GASK1A: variants seen among roughly 807,000 people sequenced by gnomAD.
The protein encoded by GASK1A is golgi associated kinase 1A, also known as Golgi-associated kinase 1A.
GASK1A carries 40 observed loss-of-function variants against 41.2 expected under a neutral mutation model. That is an observed-to-expected ratio of 0.97 (90% CI 0.75 to 1.27). The LOEUF (loss-of-function observed/expected upper bound fraction) is 1.27. Ranked by LOEUF, GASK1A falls within the 50% of genes most tolerant of loss-of-function variation. The pLI is 0.00. For missense variants in GASK1A, 678 were observed against 745.1 expected, an observed-to-expected ratio of 0.91 and a Z score of 1.05; for synonymous variants, 316 against 307.1, an observed-to-expected ratio of 1.03 and a Z score of -0.30.
chr3:43,001,399 C>A (rs555997458), intron 1 of GASK1A, among the ~76,000 whole-genome samples: 7 of 152,272 alleles, frequency 4.6e-5, no homozygotes, highest in South Asian at 2.1e-4. Context: ...CTGCAATGGA[C>A]TTGGCCTGGC....
chr3:43,027,510 AGATAAACAT>A (rs980788662), intron 1 of GASK1A, among the ~76,000 whole-genome samples: 1 of 152,244 alleles, frequency 6.6e-6, no homozygotes, highest in Admixed American at 6.5e-5. Context: ...AATTGTACAA[AGATAAACAT>A]TTAAAAAGAT....
intron 1 of GASK1A, among the ~76,000 whole-genome samples, chr3:42,992,675 C>G (rs1243246188): frequency 2.6e-5 from 4 of 152,110 alleles, no homozygotes; most frequent in Non-Finnish European, 4.4e-5. Context: ...TGACGGTGAA[C>G]TGGAAACAGA....
intron 2 of GASK1A, among the ~76,000 whole-genome samples, chr3:43,049,625 A>C (rs2089678935): frequency 6.6e-6 from 1 of 152,162 alleles, no homozygotes; most frequent in Non-Finnish European, 1.5e-5. Context: ...GAATCAGTGG[A>C]TATATTTAAT....
chr3:43,048,856 A>G (rs2089675835), intron 2 of GASK1A, among the ~76,000 whole-genome samples: 1 of 152,246 alleles, frequency 6.6e-6, no homozygotes, highest in Non-Finnish European at 1.5e-5. Flanking sequence ...CCATAGTTTC[A>G]GAACCCAAGT....
Position 43,053,504 on chromosome 3 carries a change from G to T in GASK1A, c.1291-17G>T. 6.5e-7 allele frequency: 1 copy of T among 1,527,790 alleles called. No homozygotes were observed. The highest frequency in any genetic ancestry group is 8.8e-7 in the Non-Finnish European group (1 of 1,132,116). 94.6% of individuals were successfully genotyped at this position (1,527,790 alleles called of 1,614,324 possible). A position where few individuals can be genotyped will look rare whatever the true frequency, so the allele number is the denominator to read the frequency against. ...GGCCCCCTGCCGCACCCCACCGAAG[G>T]CTGGGTGTCTCCACAGGTCCACGAC... is the stretch of plus-strand genomic sequence containing the variant. On this transcript the variant is annotated splice_polypyrimidine_tract_variant and intron_variant, in intron 2 of 4. Transcript: ENST00000430121.
At position 43,057,617 on chromosome 3, in the gene GASK1A, G is replaced by T. The variant is rs1345755033; in HGVS notation, c.*1231G>T. 1.3e-5 allele frequency: 2 copies of T among 152,038 alleles called. No homozygotes were observed. Among genetic ancestry groups the T allele is most frequent in the African/African-American group, 4.8e-5 (2 of 41,396 alleles). 9.4% of individuals were successfully genotyped at this position (152,038 alleles called of 1,614,324 possible). On this transcript the variant is annotated 3_prime_UTR_variant, in exon 5 of 5. Coordinates refer to ENST00000430121, the MANE Select transcript of GASK1A (RefSeq NM_001129908.3). The stretch of plus-strand genomic sequence containing the variant: ...ATTGTCTTTTTGTTTTAAGATGTTT[G>T]CCCTTTGCTTGTTAATTTGTTGGAA...
In GASK1A at chr3:43,028,791, T is replaced by G. The variant is rs58771312; in HGVS notation, c.4-3476T>G. On this transcript the variant is annotated intron_variant, in intron 1 of 4. Coordinates refer to ENST00000430121, the MANE Select transcript of GASK1A (RefSeq NM_001129908.3). ...CTCTAGGCTTTGTCTCCCTGCCCTG[T>G]GGCCCTGGAGGCCCTGGCTGAAGTG... Among the ~76,000 whole-genome samples, 1,348 of 152,352 alleles carry G rather than the reference T, an allele frequency of 8.8e-3. 14 individuals carry two copies. The highest frequency in any genetic ancestry group is 0.031 in the African/African-American group (1,270 of 41,580).
At chr3:43,042,305 CAAAAAAAAAA>C (rs61149633) in intron 2 of GASK1A, among the ~76,000 whole-genome samples, 1 of 132,164 alleles carries the variant, frequency 7.6e-6, no homozygotes, top group Non-Finnish European at 1.6e-5. Context: ...CTTGTCCCTA[CAAAAAAAAAA>C]AAAAAAAAAA....
At chr3:43,017,271 A>ATGTGAAGTCACAGGTAGAGGCAG (rs1559401551) in intron 1 of GASK1A, among the ~76,000 whole-genome samples, 1 of 135,556 alleles carries the variant, frequency 7.4e-6, no homozygotes, top group Non-Finnish European at 1.6e-5. Context: ...GGAAGGGGCA[A>ATGTGAAGTCACAGGTAGAGGCAG]TGTGAAGTCA....
chr3:43,053,425 G>A (rs1268494440), intron 2 of GASK1A, 96 bp from the exon 3 acceptor site: 14 of 1,384,188 alleles, frequency 1.0e-5, no homozygotes, highest in Non-Finnish European at 1.3e-5. Context: ...TGGCCCCAGG[G>A]TCATGTAGGA....
intron 1 of GASK1A, among the ~76,000 whole-genome samples, chr3:43,003,722 A>G (rs1204085097): frequency 6.6e-6 from 1 of 152,176 alleles, no homozygotes; most frequent in Non-Finnish European, 1.5e-5. Flanking sequence ...ATTTTATCTA[A>G]TTCTTTTATG....
chr3:43,038,163 T>C (rs1367443754), intron 2 of GASK1A, among the ~76,000 whole-genome samples: 2 of 152,216 alleles, frequency 1.3e-5, no homozygotes, highest in African/African-American at 4.8e-5. Context: ...TTTTCGTGAC[T>C]CACACCATGC....
At chr3:43,015,943 C>A (rs1449531729) in intron 1 of GASK1A, among the ~76,000 whole-genome samples, 19 of 141,580 alleles carry the variant, frequency 1.3e-4, no homozygotes, top group African/African-American at 4.4e-4. Flanking sequence ...TGTAAAGCCA[C>A]AGGAAGGGTC....
intron 1 of GASK1A, among the ~76,000 whole-genome samples, chr3:42,980,023 C>T (rs900342239): frequency 2.8e-4 from 43 of 152,160 alleles, no homozygotes; most frequent in African/African-American, 9.7e-4. Flanking sequence ...CATTTTAATA[C>T]TCTCCAAAGT....
At chr3:42,993,953 A>G (rs1381835433) in intron 1 of GASK1A, among the ~76,000 whole-genome samples, 1 of 152,180 alleles carries the variant, frequency 6.6e-6, no homozygotes, top group East Asian at 1.9e-4. Flanking sequence ...TGTTAAGACT[A>G]TTGTATGAGA....
At chr3:43,031,076 T>A (rs1037008248) in intron 1 of GASK1A, among the ~76,000 whole-genome samples, 1 of 152,248 alleles carries the variant, frequency 6.6e-6, no homozygotes, top group African/African-American at 2.4e-5. Context: ...TGCCTCACAC[T>A]GCATATAGTA....
intron 2 of GASK1A, among the ~76,000 whole-genome samples, chr3:43,050,297 T>A (rs1174889551): frequency 6.6e-6 from 1 of 152,222 alleles, no homozygotes; most frequent in South Asian, 2.1e-4. Context: ...TATAAAATTC[T>A]TGGTTGACAG....
chr3:43,012,780 T>A (rs1251152650), intron 1 of GASK1A, among the ~76,000 whole-genome samples: 1 of 146,630 alleles, frequency 6.8e-6, no homozygotes, highest in Non-Finnish European at 1.5e-5. Flanking sequence ...GGAAGGGCAG[T>A]GTGGAGCCAC....
chr3:42,980,131 T>A (rs1180943903), intron 1 of GASK1A, among the ~76,000 whole-genome samples: 1 of 152,190 alleles, frequency 6.6e-6, no homozygotes, highest in Admixed American at 6.5e-5. Flanking sequence ...AAATTAACAT[T>A]GAGTTAAATT....
Sources: gnomAD v4.1 joint callset for allele counts (sites outside exome capture counted in the v4.1 genomes callset) on GRCh38, gnomAD v4.1.1 for gene constraint, MANE v1.5 for transcripts, NCBI Gene and HGNC (gene_info 2026-07-23, HGNC 2026-07-21) for gene names.